The following ST3GAL1 variants were observed in gnomAD, a reference collection of about 807,000 sequenced individuals.
The protein encoded by ST3GAL1 is ST3 beta-galactoside alpha-2,3-sialyltransferase 1, also known as CMP-N-acetylneuraminate-beta-galactosamide-alpha-2,3-sialyltransferase 1.
A neutral mutation model predicts 34.1 loss-of-function variants in ST3GAL1; 16 were observed. The observed-to-expected ratio is 0.47, with a 90% confidence interval of 0.32 to 0.71. The LOEUF (loss-of-function observed/expected upper bound fraction) is 0.71. ST3GAL1 is among the 30% of genes least tolerant of loss of function. The pLI, the probability that ST3GAL1 is intolerant of heterozygous loss-of-function variation, is 0.04. For missense variants in ST3GAL1, 353 were observed against 447.4 expected (o/e 0.79, Z 1.90); for synonymous variants, 191 against 184.7 (o/e 1.03, Z -0.28).
chr8:133,492,876 C>T (rs1158451657), intron 3 of ST3GAL1, among the ~76,000 whole-genome samples: 1 of 152,230 alleles, frequency 6.6e-6, no homozygotes, highest in Non-Finnish European at 1.5e-5. Context: ...TTCACCTCCA[C>T]TCAGCCCTAC....
At chr8:133,559,810 C>T (rs1334764313) in intron 1 of ST3GAL1, among the ~76,000 whole-genome samples, 1 of 152,190 alleles carries the variant, frequency 6.6e-6, no homozygotes, top group African/African-American at 2.4e-5. Flanking sequence ...AGTTTACACG[C>T]CTGATTGCAA....
rs1219739936 is a variant in ST3GAL1 at position 133,556,817 on chromosome 8, AG to A, written c.-581-10892del. Among the ~76,000 whole-genome samples the A allele has an allele frequency of 3.3e-5, 5 of 152,044 alleles. No homozygotes were observed. Among genetic ancestry groups the A allele is most frequent in the Non-Finnish European group, 7.4e-5 (5 of 68,004 alleles). ...AGCCCTTTGAAATATGGTGTGGTGG[AG>A]GGGGGACATTTTGTTCTTTTGGCCT... On this transcript the variant is annotated intron_variant, in intron 1 of 9. Coordinates refer to ENST00000522652, the MANE Select transcript of ST3GAL1 (RefSeq NM_173344.3). This position sits in a 1 kb window ranked among gnomAD's most constrained non-coding sequence, Gnocchi z 8.9.
chr8:133,498,612 A>C (rs1817045247), intron 3 of ST3GAL1, among the ~76,000 whole-genome samples: 1 of 152,184 alleles, frequency 6.6e-6, no homozygotes, highest in South Asian at 2.1e-4. Flanking sequence ...TGGCTTTTGC[A>C]AAAACAACAA....
At chr8:133,465,132 TCTG>T (rs1315060026) in intron 6 of ST3GAL1, among the ~76,000 whole-genome samples, 175 bp from the exon 7 acceptor site, 1 of 152,146 alleles carries the variant, frequency 6.6e-6, no homozygotes, top group African/African-American at 2.4e-5. Context: ...CTGGAAGGCT[TCTG>T]CTATTTTTCT....
intron 2 of ST3GAL1, among the ~76,000 whole-genome samples, chr8:133,539,423 C>T (rs1487744319): frequency 3.9e-5 from 6 of 152,276 alleles, no homozygotes; most frequent in Admixed American, 1.3e-4. Flanking sequence ...AGGAAGCTGA[C>T]GCTCCAGCCC....
At chr8:133,541,096 C>CATATATAT (rs780797700) in intron 2 of ST3GAL1, among the ~76,000 whole-genome samples, 21 of 37,188 alleles carry the variant, frequency 5.6e-4, no homozygotes, top group African/African-American at 2.9e-3. Flanking sequence ...TATATATAAA[C>CATATATAT]ATATATATAT....
chr8:133,460,881 A>G (rs1482296074), intron 9 of ST3GAL1, among the ~76,000 whole-genome samples: 2 of 151,328 alleles, frequency 1.3e-5, no homozygotes, highest in Admixed American at 1.3e-4. Context: ...AGCGTGGAAG[A>G]TAGATTGGAG....
intron 3 of ST3GAL1, among the ~76,000 whole-genome samples, chr8:133,482,988 A>C (rs981516048): frequency 6.6e-6 from 1 of 152,266 alleles, no homozygotes; most frequent in Non-Finnish European, 1.5e-5. Flanking sequence ...CTGTGTGTTC[A>C]TAGGCAAGGC....
chr8:133,548,813 C>G lies in ST3GAL1; in HGVS notation c.-581-2887G>C, dbSNP rs139033372. On this transcript the variant is annotated intron_variant, in intron 1 of 9. Transcript: ENST00000522652. Reference sequence around the variant, plus strand: ...GAGACTTCAGAGGTGAGGAAGGGAGCTATATTTTACTTGTCACTAGATTTC... The same window carrying G: ...GAGACTTCAGAGGTGAGGAAGGGAGGTATATTTTACTTGTCACTAGATTTC... Among the ~76,000 whole-genome samples, 10 of 152,276 alleles carry G rather than the reference C, an allele frequency of 6.6e-5. No individual in the cohort carries two copies. In the East Asian group the frequency reaches 1.7e-3, roughly 27 times the overall value.
chr8:133,523,826 C>A (rs892426224), intron 2 of ST3GAL1, among the ~76,000 whole-genome samples: 3 of 152,308 alleles, frequency 2.0e-5, no homozygotes, highest in South Asian at 2.1e-4. Flanking sequence ...TATTTTTTCA[C>A]CCACTGGATG....
At position 133,556,295 on chromosome 8, in the gene ST3GAL1, T is replaced by G. The variant is rs899491204; in HGVS notation, c.-581-10369A>C. ...ACTAAGCTCGGACGTGGAAGTCACT[T>G]GCCCCAGATCTCACCACTGATCAAC... On this transcript the variant is annotated intron_variant, in intron 1 of 9. Transcript: ENST00000522652. The surrounding 1 kb of genome is among the most constrained non-coding windows in gnomAD (Gnocchi z 8.9). 6.6e-6 allele frequency among the ~76,000 whole-genome samples: 1 copy of G among 152,208 alleles called. No homozygotes were observed. The highest frequency in any genetic ancestry group is 1.5e-5 in the Non-Finnish European group (1 of 68,038).
intron 3 of ST3GAL1, among the ~76,000 whole-genome samples, chr8:133,484,009 G>C (rs1481983706): frequency 1.3e-5 from 2 of 152,190 alleles, no homozygotes; most frequent in Non-Finnish European, 1.5e-5. Flanking sequence ...GGAAAGCCTG[G>C]CCACCTCACA....
At chr8:133,567,706 C>G (rs2131121729) in intron 1 of ST3GAL1, among the ~76,000 whole-genome samples, 1 of 152,268 alleles carries the variant, frequency 6.6e-6, no homozygotes, top group South Asian at 2.1e-4. Context: ...CGGGTGTGGG[C>G]TCCGAATGGT....
rs144356233 is a variant in ST3GAL1, at chr8:133,469,299, A to G, written c.307-3209T>C. Among the ~76,000 whole-genome samples the G allele has an allele frequency of 3.3e-5, 5 of 152,010 alleles. No homozygotes were observed. The highest frequency in any genetic ancestry group is 3.3e-4 in the Admixed American group (5 of 15,260). On this transcript the variant is annotated intron_variant, in intron 5 of 9. Transcript: ENST00000522652. This position sits in a 1 kb window ranked among gnomAD's most constrained non-coding sequence, Gnocchi z 4.3. ...AGTGGTGCGATCTCGGCTCACTGCAACCTCTACCTCCTGGGTTCAAGGGAT... is the reference window on the plus strand; with the variant it reads ...AGTGGTGCGATCTCGGCTCACTGCAGCCTCTACCTCCTGGGTTCAAGGGAT...
intron 1 of ST3GAL1, among the ~76,000 whole-genome samples, chr8:133,547,324 G>T (rs1209794686): frequency 1.3e-5 from 2 of 152,062 alleles, no homozygotes. Context: ...GGCTGGAGGG[G>T]CCGTGGCATG....
intron 2 of ST3GAL1, among the ~76,000 whole-genome samples, chr8:133,512,610 C>A (rs937224020): frequency 6.6e-6 from 1 of 152,106 alleles, no homozygotes; most frequent in African/African-American, 2.4e-5. Context: ...AGGTGAAGGG[C>A]CTGTCCCAGG....
intron 3 of ST3GAL1, among the ~76,000 whole-genome samples, chr8:133,479,177 C>T (rs60823715): frequency 6.6e-6 from 1 of 152,028 alleles, no homozygotes; most frequent in Non-Finnish European, 1.5e-5. Flanking sequence ...TGCATATTTG[C>T]TGGTCCTTGC....
At chr8:133,484,694 G>A (rs902329662) in intron 3 of ST3GAL1, among the ~76,000 whole-genome samples, 2 of 152,130 alleles carry the variant, frequency 1.3e-5, no homozygotes, top group African/African-American at 4.8e-5. Context: ...TGGAGAATCA[G>A]CCTAATAAGA....
At chr8:133,463,766 G>T (rs528734067) in intron 7 of ST3GAL1, among the ~76,000 whole-genome samples, 1 of 152,220 alleles carries the variant, frequency 6.6e-6, no homozygotes, top group Non-Finnish European at 1.5e-5. Context: ...GGGCCGTGGT[G>T]CCTCCACCTC....
Sources: gnomAD v4.1 joint callset for allele counts (sites outside exome capture counted in the v4.1 genomes callset) on GRCh38, gnomAD v4.1.1 for gene constraint, Gnocchi (gnomAD v3.1) non-coding constraint, MANE v1.5 for transcripts, NCBI Gene and HGNC (gene_info 2026-07-23, HGNC 2026-07-21) for gene names.